GRHL2: variants seen among roughly 807,000 people sequenced by gnomAD.
GRHL2 encodes the protein grainyhead like transcription factor 2.
In GRHL2, 21 loss-of-function variants were observed where a neutral mutation model predicts 83.8. The ratio of observed to expected loss-of-function variants is 0.25; its 90% CI spans 0.18 to 0.36. GRHL2 has a LOEUF of 0.36. GRHL2 is among the 10% of genes least tolerant of loss of function. GRHL2 has a pLI of 1.00. For synonymous variants in GRHL2, 280 were observed against 278.9 expected (o/e 1.00, Z -0.04); for missense variants, 623 against 781.8 (o/e 0.80, Z 2.42).
At chr8:101,613,623 T>C (rs1311693125) in intron 8 of GRHL2, among the ~76,000 whole-genome samples, 2 of 151,090 alleles carry the variant, frequency 1.3e-5, no homozygotes, top group Non-Finnish European at 1.5e-5. Context: ...TGCACACAAA[T>C]ACAATCCTAT....
chr8:101,607,177 G>A (rs149626308), intron 8 of GRHL2, among the ~76,000 whole-genome samples: 3 of 152,252 alleles, frequency 2.0e-5, no homozygotes, highest in Non-Finnish European at 4.4e-5. Flanking sequence ...CCTCCATTGT[G>A]TGCCAAGCAC....
intron 1 of GRHL2, among the ~76,000 whole-genome samples, chr8:101,496,080 G>A (rs1016011311): frequency 6.3e-4 from 94 of 149,902 alleles, no homozygotes; most frequent in Middle Eastern, 3.4e-3. Flanking sequence ...CCTGGGAGGC[G>A]GGGGTTGCAG....
intron 13 of GRHL2, among the ~76,000 whole-genome samples, chr8:101,649,110 G>T (rs1027180031): frequency 1.3e-5 from 2 of 152,172 alleles, no homozygotes; most frequent in Non-Finnish European, 2.9e-5. Flanking sequence ...AGGAAAAGAG[G>T]TTGCAAAAAG....
chr8:101,602,029 A>C (rs1386280003), intron 8 of GRHL2, among the ~76,000 whole-genome samples: 1 of 151,778 alleles, frequency 6.6e-6, no homozygotes, highest in Non-Finnish European at 1.5e-5. Context: ...CTCTGTGTCC[A>C]TGTGTTCTCA....
chr8:101,610,145 C>T (rs2130344225), intron 8 of GRHL2, among the ~76,000 whole-genome samples: 1 of 150,986 alleles, frequency 6.6e-6, no homozygotes, highest in African/African-American at 2.5e-5. Context: ...GTGAAGGTTT[C>T]TGCCTGAGAG....
At position 101,641,044 on chromosome 8, in the gene GRHL2, G is replaced by A. The variant is rs544282073; in HGVS notation, c.1518-3087G>A. On this transcript the variant is annotated intron_variant, in intron 12 of 15. Transcript: ENST00000646743. ...TTACCTTTGAAAATGATTCCTCTGG[G>A]GCCTACTGACCTAGTCATGACTTGC... 2.0e-5 allele frequency among the ~76,000 whole-genome samples: 3 copies of A among 152,028 alleles called. No individual in the cohort carries two copies. The East Asian group carries it at 5.8e-4, about 29-fold the overall frequency.
intron 1 of GRHL2, among the ~76,000 whole-genome samples, chr8:101,517,137 C>T (rs1037076676): frequency 6.6e-6 from 1 of 152,106 alleles, no homozygotes; most frequent in African/African-American, 2.4e-5. Flanking sequence ...CTTCACATCT[C>T]CTAGTCACTA....
At chr8:101,584,141 T>C (rs543422105) in intron 7 of GRHL2, among the ~76,000 whole-genome samples, 1 of 152,340 alleles carries the variant, frequency 6.6e-6, no homozygotes, top group East Asian at 1.9e-4. Context: ...TCAATGTTGG[T>C]TCACAGTAAT....
At chr8:101,642,640 C>T (rs1176440982) in intron 12 of GRHL2, among the ~76,000 whole-genome samples, 1 of 152,194 alleles carries the variant, frequency 6.6e-6, no homozygotes, top group East Asian at 1.9e-4. Context: ...TTACCACCTT[C>T]AGCTGGGATC....
intron 1 of GRHL2, among the ~76,000 whole-genome samples, chr8:101,526,525 C>CTT (rs33928032): frequency 2.4e-4 from 26 of 109,654 alleles, no homozygotes; most frequent in African/African-American, 3.4e-4. Context: ...TCTTTTTTTC[C>CTT]TTTTTTTTTT....
At chr8:101,559,043 A>G (rs1168949452) in intron 4 of GRHL2, among the ~76,000 whole-genome samples, 1 of 152,100 alleles carries the variant, frequency 6.6e-6, no homozygotes, top group African/African-American at 2.4e-5. Context: ...TGGTTCTTAG[A>G]TGATGGATTT....
intron 4 of GRHL2, among the ~76,000 whole-genome samples, chr8:101,563,718 TTG>T (rs1491044722): frequency 6.6e-6 from 1 of 151,524 alleles, no homozygotes; most frequent in African/African-American, 2.4e-5. Context: ...TATTTTTTTT[TTG>T]TTTTTTTTTG....
intron 3 of GRHL2, among the ~76,000 whole-genome samples, chr8:101,554,395 A>G (rs972294008): frequency 6.6e-6 from 1 of 152,198 alleles, no homozygotes; most frequent in Non-Finnish European, 1.5e-5. Context: ...AGGGAAAAAC[A>G]AGTTTAAGCC....
chr8:101,534,398 A>T (rs1810999332), intron 1 of GRHL2, among the ~76,000 whole-genome samples: 1 of 152,026 alleles, frequency 6.6e-6, no homozygotes, highest in Non-Finnish European at 1.5e-5. Flanking sequence ...ATATGCCATG[A>T]TATGGTAGTT....
the GRHL2 span, among the ~76,000 whole-genome samples, chr8:101,681,165 T>C: frequency 6.8e-6 from 1 of 148,008 alleles, no homozygotes; most frequent in African/African-American, 2.5e-5. Flanking sequence ...ATCAACAAAA[T>C]TGATAGACCG....
At chr8:101,509,576 A>C (rs1415828173) in intron 1 of GRHL2, among the ~76,000 whole-genome samples, 1 of 152,104 alleles carries the variant, frequency 6.6e-6, no homozygotes, top group East Asian at 1.9e-4. Context: ...GGAGCTCATT[A>C]TCTGGTTTGT....
At chr8:101,675,996 T>A in the GRHL2 span, among the ~76,000 whole-genome samples, 1 of 152,192 alleles carries the variant, frequency 6.6e-6, no homozygotes, top group African/African-American at 2.4e-5. Flanking sequence ...CTGGGAAAAC[T>A]GGCTGGCCAT....
At chr8:101,538,206 G>A (rs983181537) in intron 1 of GRHL2, among the ~76,000 whole-genome samples, 1 of 152,184 alleles carries the variant, frequency 6.6e-6, no homozygotes, top group African/African-American at 2.4e-5. Context: ...TATGTGTTAA[G>A]CTTCCTCTGC....
intron 1 of GRHL2, among the ~76,000 whole-genome samples, chr8:101,501,992 G>A (rs926223370): frequency 1.3e-5 from 2 of 150,502 alleles, no homozygotes; most frequent in African/African-American, 4.9e-5. Context: ...ACCATTACTG[G>A]GGAGTTAAAA....
Sources: gnomAD v4.1 joint callset for allele counts (sites outside exome capture counted in the v4.1 genomes callset) on GRCh38, gnomAD v4.1.1 for gene constraint, MANE v1.5 for transcripts, NCBI Gene and HGNC (gene_info 2026-07-23, HGNC 2026-07-21) for gene names.